NRP1: variants seen among roughly 807,000 people sequenced by gnomAD.
NRP1 encodes neuropilin 1.
NRP1 carries 35 observed loss-of-function variants against 106.7 expected under a neutral mutation model. That is an observed-to-expected ratio of 0.33 (90% confidence interval 0.25 to 0.43). The LOEUF (loss-of-function observed/expected upper bound fraction) is 0.43, where lower values mean the gene tolerates loss of function less well. NRP1 is among the 20% of genes least tolerant of loss of function. NRP1 has a pLI of 1.00. For synonymous variants in NRP1, 437 were observed against 417.9 expected (o/e 1.05, Z -0.56); for missense variants, 1,024 against 1,170.4 (o/e 0.87, Z 1.83).
chr10:33,206,418 G>A (rs550040942), intron 10 of NRP1: 4 of 465,280 alleles, frequency 8.6e-6, no homozygotes, highest in East Asian at 1.1e-4. Context: ...TGAAGAATAG[G>A]AGAAAATGGC....
chr10:33,189,027 G>A (rs1317116500), intron 13 of NRP1, among the ~76,000 whole-genome samples: 1 of 150,856 alleles, frequency 6.6e-6, no homozygotes, highest in Non-Finnish European at 1.5e-5. Flanking sequence ...CACAAAGAGG[G>A]AGCGCTGGCA....
At chr10:33,203,078 T>A in intron 10 of NRP1, 83 bp from the exon 11 acceptor site, 1 of 1,409,130 alleles carries the variant, frequency 7.1e-7, no homozygotes, top group Admixed American at 2.2e-5. Flanking sequence ...CTAACGCTTA[T>A]GCAGAAAACT....
intron 2 of NRP1, among the ~76,000 whole-genome samples, chr10:33,300,529 C>T (rs1845727821): frequency 6.6e-6 from 1 of 152,120 alleles, no homozygotes; most frequent in Non-Finnish European, 1.5e-5. Flanking sequence ...AGTGTGTGCA[C>T]ATCTCAACCC....
At chr10:33,216,882 G>A (rs1191337217) in intron 8 of NRP1, among the ~76,000 whole-genome samples, 1 of 151,982 alleles carries the variant, frequency 6.6e-6, no homozygotes, top group African/African-American at 2.4e-5. Flanking sequence ...CATAGTATTT[G>A]CTCAACAAAT....
At chr10:33,207,319 T>A (rs1837866363) in intron 10 of NRP1, among the ~76,000 whole-genome samples, 1 of 151,952 alleles carries the variant, frequency 6.6e-6, no homozygotes, top group African/African-American at 2.4e-5. Flanking sequence ...TATCTTTTTT[T>A]TTAAGTAAAG....
intron 2 of NRP1, among the ~76,000 whole-genome samples, chr10:33,312,632 T>C (rs1846687957): frequency 6.6e-6 from 1 of 152,240 alleles, no homozygotes; most frequent in South Asian, 2.1e-4. Context: ...CTCCTGTTGA[T>C]AGACCACAAT....
At chr10:33,282,893 C>T (rs1259695494) in intron 2 of NRP1, among the ~76,000 whole-genome samples, 3 of 152,010 alleles carry the variant, frequency 2.0e-5, no homozygotes, top group Admixed American at 6.6e-5. Context: ...CCACAGGTGC[C>T]CACCACCACA....
intron 2 of NRP1, among the ~76,000 whole-genome samples, chr10:33,284,236 CA>C (rs1844350658): frequency 6.6e-6 from 1 of 152,056 alleles, no homozygotes; most frequent in Admixed American, 6.6e-5. Context: ...TACTAAAAAC[CA>C]GAATATGTAA....
chr10:33,328,051 T>C (rs1173439599), intron 2 of NRP1, among the ~76,000 whole-genome samples: 1 of 152,126 alleles, frequency 6.6e-6, no homozygotes, highest in Non-Finnish European at 1.5e-5. Context: ...GAAATCACCT[T>C]ACTCTGTAGC....
At chr10:33,220,699 C>T (rs557817101) in intron 8 of NRP1, among the ~76,000 whole-genome samples, 1 of 151,974 alleles carries the variant, frequency 6.6e-6, no homozygotes, top group Non-Finnish European at 1.5e-5. Flanking sequence ...GAGTTCAAGA[C>T]CAGCCTGGCC....
At chr10:33,308,760 A>T (rs942636660) in intron 2 of NRP1, among the ~76,000 whole-genome samples, 7 of 152,178 alleles carry the variant, frequency 4.6e-5, no homozygotes, top group African/African-American at 1.4e-4. Context: ...AAGTGCTGGG[A>T]TTACAGGTGT....
At chr10:33,268,402 T>C (rs2133280503) in intron 3 of NRP1, among the ~76,000 whole-genome samples, 1 of 152,196 alleles carries the variant, frequency 6.6e-6, no homozygotes, top group South Asian at 2.1e-4. Flanking sequence ...TTTGAGACCT[T>C]TGGATGAAAA....
chr10:33,248,547 G>GTATCTGCTTTCTAAGT (rs67254572), intron 6 of NRP1, among the ~76,000 whole-genome samples: 4 of 152,012 alleles, frequency 2.6e-5, no homozygotes, highest in Non-Finnish European at 5.9e-5. Context: ...TTCATTAATG[G>GTATCTGCTTTCTAAGT]TCCTTCAGAG....
chr10:33,240,193 A>G (rs1840906506), intron 6 of NRP1, among the ~76,000 whole-genome samples: 1 of 152,224 alleles, frequency 6.6e-6, no homozygotes, highest in South Asian at 2.1e-4. Flanking sequence ...AGTTATTCAC[A>G]CACACACAGA....
In NRP1 at chr10:33,195,663, A is replaced by T. The variant is rs527397543; in HGVS notation, c.1924+1987T>A. 13 of 495,590 alleles carry T rather than the reference A, an allele frequency of 2.6e-5. No individual in the cohort carries two copies. In the East Asian group the frequency reaches 6.2e-4, roughly 24 times the overall value. 30.7% of individuals were successfully genotyped at this position (495,590 alleles called of 1,614,324 possible). A position where few individuals can be genotyped will look rare whatever the true frequency, so the allele number is the denominator to read the frequency against. ...TTAGACCTGACCCCTGGCTTGAAGC[A>T]TGCTCAAGTCCCCATGCAATATTCT... On this transcript the variant is annotated intron_variant, in intron 12 of 16. Coordinates refer to ENST00000374867, the MANE Select transcript of NRP1 (RefSeq NM_003873.7).
chr10:33,290,683 C>G (rs537059843), intron 2 of NRP1, among the ~76,000 whole-genome samples: 15 of 152,250 alleles, frequency 9.9e-5, no homozygotes, highest in African/African-American at 3.6e-4. Flanking sequence ...TGTCATAAGT[C>G]TCTGTGGTTT....
At chr10:33,186,140 C>T (rs1835989749) in intron 14 of NRP1, 77 bp downstream of exon 14, 2 of 1,486,058 alleles carry the variant, frequency 1.3e-6, no homozygotes, top group Non-Finnish European at 1.8e-6. Context: ...TCCCATGTCT[C>T]ATTTGCACAG....
At chr10:33,331,684 T>A (rs997995140) in intron 1 of NRP1, among the ~76,000 whole-genome samples, 2 of 152,182 alleles carry the variant, frequency 1.3e-5, no homozygotes, top group African/African-American at 4.8e-5. Context: ...GTGAGCTAAG[T>A]AGTTTTGAGC....
chr10:33,199,383 ATATATATTTTTTTTTTTTTTTTTTT>A (rs1181963490), intron 11 of NRP1, among the ~76,000 whole-genome samples: 66 of 59,960 alleles, frequency 1.1e-3, no homozygotes, highest in African/African-American at 4.2e-3. Flanking sequence ...ATATATATAT[ATATATATTTTTTTTTTTTTTTTTTT>A]TTTTTTTTTT....
Sources: gnomAD v4.1 joint callset for allele counts (sites outside exome capture counted in the v4.1 genomes callset) on GRCh38, gnomAD v4.1.1 for gene constraint, MANE v1.5 for transcripts, NCBI Gene and HGNC (gene_info 2026-07-23, HGNC 2026-07-21) for gene names.